Variants in ADPRM observed in about 807,000 individuals in gnomAD.
ADPRM encodes the protein manganese-dependent ADP-ribose/CDP-alcohol diphosphatase.
Under a neutral mutation model 27.2 loss-of-function variants are expected in ADPRM, and 17 were observed. The ratio of observed to expected loss-of-function variants is 0.63; its 90% CI spans 0.43 to 0.94. The LOEUF (loss-of-function observed/expected upper bound fraction) is 0.94, where lower values mean the gene tolerates loss of function less well. ADPRM is among the 40% of genes least tolerant of loss of function. The pLI is 0.00. For missense variants in ADPRM, 337 were observed against 412.8 expected (o/e 0.82, Z 1.59); for synonymous variants, 135 against 145.3 (o/e 0.93, Z 0.51).
chr17:10,710,248 C>T (rs2074842291), intron 3 of ADPRM, among the ~76,000 whole-genome samples: 1 of 152,188 alleles, frequency 6.6e-6, no homozygotes. Context: ...ACTACAGGCA[C>T]ATACCACCAC....
intron 3 of ADPRM, among the ~76,000 whole-genome samples, chr17:10,708,766 C>G (rs567253893): frequency 4.6e-5 from 7 of 152,162 alleles, no homozygotes; most frequent in Non-Finnish European, 1.0e-4. Context: ...AAGCTAGAGT[C>G]ATATAGCCAA....
Position 10,698,038 on chromosome 17 carries a change from G to A in ADPRM, c.-18+371G>A, listed in dbSNP as rs995896989. On this transcript the variant is annotated intron_variant, in intron 1 of 3. Transcript: ENST00000379774. ...TTTGAAATAGAAACCGACCCATTGC[G>A]ATTGAAATAGTCTTTAACTTAAAAA... The A allele has an allele frequency of 5.1e-5, 8 of 156,692 alleles. 1 individual carries two copies. The East Asian group carries it at 7.7e-4, about 15-fold the overall frequency. The allele number at this position is 156,692 out of a possible 1,614,324, so 9.7% of individuals were successfully genotyped here.
At chr17:10,706,387 A>G (rs746680905) in intron 2 of ADPRM, 51 bp from the exon 3 acceptor site, 1 of 1,323,384 alleles carries the variant, frequency 7.6e-7, no homozygotes, top group Non-Finnish European at 1.1e-6. Flanking sequence ...TTGAATGTCC[A>G]AATGAGGGGA....
intron 3 of ADPRM, among the ~76,000 whole-genome samples, chr17:10,707,886 G>C (rs546089630): frequency 1.3e-5 from 2 of 152,322 alleles, no homozygotes; most frequent in East Asian, 1.9e-4. Flanking sequence ...TGTGCGCATG[G>C]GCACGTGAAA....
At chr17:10,706,297 T>A in intron 2 of ADPRM, 141 bp from the exon 3 acceptor site, 1 of 587,070 alleles carries the variant, frequency 1.7e-6, no homozygotes, top group Admixed American at 3.5e-5. Flanking sequence ...CTCTAAATGC[T>A]TGTGATTTCC....
chr17:10,706,497 T>C lies in ADPRM; in HGVS notation c.661T>C (p.Trp221Arg), dbSNP rs761716269. ...NGGFSQEQLN[W>R]LNEVLTFSDT... ...AGGATTCAGCCAAGAACAGCTAAAC[T>C]GGTTGAATGAAGTGCTAACATTCTC... The change falls in exon 3 of 4, where the codon TGG (tryptophan) becomes CGG (arginine). Residue 221 changes from tryptophan to arginine, a missense_variant. Trp to Arg is a moderately radical substitution (Grantham distance 101, BLOSUM62 -3). Coordinates refer to ENST00000379774, the MANE Select transcript of ADPRM (RefSeq NM_020233.5). 2 of 1,599,806 alleles carry C rather than the reference T, an allele frequency of 1.3e-6. No homozygotes were observed. The highest frequency in any genetic ancestry group is 1.1e-5 in the South Asian group (1 of 87,342).
In ADPRM at chr17:10,710,945, G is replaced by A; in HGVS notation, c.830G>A (p.Gly277Asp). ...GAGTGTGTGGTGTGTTTCTTTGCTG[G>A]TCACACCCATGATGGTGGCTACTCT... ...SHECVVCFFA[G>D]HTHDGGYSED... Residue 277 changes from glycine (G) to aspartate (D), a missense_variant, in exon 4 of 4, where the codon GGT becomes GAT. Gly to Asp is a moderately conservative substitution (Grantham distance 94). Transcript: ENST00000379774. The A allele has an allele frequency of 6.2e-7, 1 of 1,614,110 alleles. No individual in the cohort carries two copies. Among genetic ancestry groups the A allele is most frequent in the Middle Eastern group, 1.6e-4 (1 of 6,062 alleles).
intron 3 of ADPRM, among the ~76,000 whole-genome samples, 190 bp downstream of exon 3, chr17:10,706,744 T>G (rs2662971): frequency 0.059 from 9,002 of 152,150 alleles, 880 homozygotes; most frequent in African/African-American, 0.2. Context: ...AAAAGGTAAA[T>G]AACAGAAACA....
Position 10,702,915 on chromosome 17 carries a change from A to T in ADPRM, c.-17-1995A>T, listed in dbSNP as rs1301728934. Among the ~76,000 whole-genome samples, 3 of 152,118 alleles carry T rather than the reference A, an allele frequency of 2.0e-5. No individual in the cohort carries two copies. The highest frequency in any genetic ancestry group is 4.4e-5 in the Non-Finnish European group (3 of 68,006). On this transcript the variant is annotated intron_variant, in intron 1 of 3. Transcript: ENST00000379774. This position sits in a 1 kb window ranked among gnomAD's most constrained non-coding sequence, Gnocchi z 4.2. ...TGGAGAGAAGATCCAATTCATTGGG[A>T]CTAAATCCCCTCTAGGAGATCCACA... is the stretch of plus-strand genomic sequence containing the variant.
intron 3 of ADPRM, among the ~76,000 whole-genome samples, chr17:10,707,828 A>G (rs2074823472): frequency 6.6e-6 from 1 of 152,236 alleles, no homozygotes; most frequent in Non-Finnish European, 1.5e-5. Flanking sequence ...GTACACTGCC[A>G]TCAGAGATTG....
chr17:10,700,669 TAGG>T (rs994201067), intron 1 of ADPRM, among the ~76,000 whole-genome samples: 1 of 150,280 alleles, frequency 6.7e-6, no homozygotes, highest in African/African-American at 2.5e-5. Context: ...GAGGCTGAAT[TAGG>T]AGGATCACTT....
chr17:10,699,216 C>G (rs908799054), intron 1 of ADPRM: 1 of 152,182 alleles, frequency 6.6e-6, no homozygotes, highest in Non-Finnish European at 1.5e-5. Context: ...CTGCAGTGAG[C>G]TGTGATCGGG....
chr17:10,707,890 C>T lies in ADPRM; in HGVS notation c.718+1336C>T, dbSNP rs193113524. 3.7e-4 allele frequency among the ~76,000 whole-genome samples: 57 copies of T among 152,256 alleles called. 1 individual carries two copies. The East Asian group carries it at 7.5e-3, about 20-fold the overall frequency. Reference sequence around the variant, plus strand: ...ACAAGCGTGTATGTGCGCATGGGCACGTGAAAACATACACGGAACTGAATT... The same window carrying T: ...ACAAGCGTGTATGTGCGCATGGGCATGTGAAAACATACACGGAACTGAATT... On this transcript the variant is annotated intron_variant, in intron 3 of 3. Coordinates refer to ENST00000379774, the MANE Select transcript of ADPRM (RefSeq NM_020233.5).
At chr17:10,700,004 T>A (rs2520162) in intron 1 of ADPRM, among the ~76,000 whole-genome samples, 8,467 of 152,288 alleles carry the variant, frequency 0.056, 777 homozygotes, top group African/African-American at 0.19. Flanking sequence ...GTTTACTTCA[T>A]TTTTGTTCCA....
At position 10,710,945 on chromosome 17, in the gene ADPRM, G is replaced by T; in HGVS notation, c.830G>T (p.Gly277Val). 1.2e-6 allele frequency: 2 copies of T among 1,614,110 alleles called. No individual in the cohort carries two copies. Among genetic ancestry groups the T allele is most frequent in the Non-Finnish European group, 1.7e-6 (2 of 1,180,018 alleles). The change falls in exon 4 of 4, where the codon GGT becomes GTT. Residue 277 changes from glycine (G) to valine (V), a missense_variant. Gly to Val is a moderately radical substitution (Grantham distance 109, BLOSUM62 -3). Transcript: ENST00000379774. ...SHECVVCFFA[G>V]HTHDGGYSED... ...GAGTGTGTGGTGTGTTTCTTTGCTG[G>T]TCACACCCATGATGGTGGCTACTCT...
At chr17:10,703,827 C>CT in intron 1 of ADPRM, among the ~76,000 whole-genome samples, 1 of 152,204 alleles carries the variant, frequency 6.6e-6, no homozygotes, top group East Asian at 1.9e-4. Context: ...GAATCTTGGC[C>CT]TTTGAGTTTT....
chr17:10,703,559 T>A (rs1302747126), intron 1 of ADPRM, among the ~76,000 whole-genome samples: 2 of 150,648 alleles, frequency 1.3e-5, no homozygotes, highest in South Asian at 2.1e-4. Flanking sequence ...CTCAAATAAG[T>A]CAAATTGAAG....
intron 3 of ADPRM, among the ~76,000 whole-genome samples, chr17:10,710,511 C>CAGA (rs2074844135): frequency 6.6e-6 from 1 of 152,236 alleles, no homozygotes; most frequent in African/African-American, 2.4e-5. Context: ...GCTGCCTTTG[C>CAGA]AGACTGCCCT....
Position 10,705,310 on chromosome 17 carries a change from T to C in ADPRM, c.384T>C (p.Thr128=), listed in dbSNP as rs2151463331. ...ATTTAACACACTCTAAACTTAACAC[T>C]AAGTTTCTAGAAGATCAGATTGTAC... is the stretch of plus-strand genomic sequence containing the variant. ...REYLTHSKLN[T]KFLEDQIVHH... is the part of the protein sequence containing the mutation. Residue 128 remains threonine, a synonymous_variant, in exon 2 of 4, where the codon ACT becomes ACC. Transcript: ENST00000379774. The surrounding 1 kb of genome is among the most constrained non-coding windows in gnomAD (Gnocchi z 5.4). The C allele has an allele frequency of 6.2e-7, 1 of 1,613,974 alleles. No individual in the cohort carries two copies. Among genetic ancestry groups the C allele is most frequent in the East Asian group, 2.2e-5 (1 of 44,874 alleles).
Sources: allele counts gnomAD v4.1 joint callset (sites outside exome capture counted in the v4.1 genomes callset), GRCh38; gene constraint gnomAD v4.1.1; non-coding constraint Gnocchi (gnomAD v3.1); transcripts MANE v1.5; gene names NCBI Gene and HGNC (gene_info 2026-07-23, HGNC 2026-07-21).